The following OLFM2 variants were observed in gnomAD, a reference collection of about 807,000 sequenced individuals.
The protein encoded by OLFM2 is olfactomedin 2, also known as noelin-2.
A neutral mutation model predicts 43.9 loss-of-function variants in OLFM2; 20 were observed. That is an observed-to-expected ratio of 0.46 (90% CI 0.32 to 0.66). The LOEUF is 0.66. OLFM2 is among the 30% of genes least tolerant of loss of function. OLFM2 has a pLI of 0.04. For synonymous variants in OLFM2, 268 were observed against 278.6 expected, an observed-to-expected ratio of 0.96 and a Z score of 0.38; for missense variants, 416 against 643.6, an observed-to-expected ratio of 0.65 and a Z score of 3.83.
intron 1 of OLFM2, among the ~76,000 whole-genome samples, chr19:9,874,323 C>T (rs563116184): frequency 9.2e-6 from 1 of 108,818 alleles, no homozygotes; most frequent in Non-Finnish European, 1.8e-5. Context: ...GAATGCCCCA[C>T]TGGCCTTTTT....
At chr19:9,933,956 C>T (rs1364482823) in intron 1 of OLFM2, among the ~76,000 whole-genome samples, 1 of 152,186 alleles carries the variant, frequency 6.6e-6, no homozygotes, top group Admixed American at 6.6e-5. Context: ...GGTTATTCGG[C>T]TCTTTTCTGT....
intron 1 of OLFM2, among the ~76,000 whole-genome samples, chr19:9,925,376 G>T (rs991743474): frequency 6.6e-6 from 1 of 152,140 alleles, no homozygotes; most frequent in African/African-American, 2.4e-5. Context: ...CCCTTTGTGG[G>T]AATGTAAAAT....
chr19:9,860,331 A>C (rs1403474975), intron 2 of OLFM2, among the ~76,000 whole-genome samples: 1 of 151,620 alleles, frequency 6.6e-6, no homozygotes, highest in African/African-American at 2.4e-5. Context: ...TATAAAAATT[A>C]GGGCATGGTG....
chr19:9,860,670 C>T lies in OLFM2; in HGVS notation c.188G>A (p.Arg63Gln), dbSNP rs377196769. The change falls in exon 2 of 6, where the codon CGG becomes CAG. Residue 63 changes from arginine to glutamine, a missense_variant. Physicochemically the swap from Arg to Gln is conservative, Grantham distance 43 (BLOSUM62 1). Coordinates refer to ENST00000264833, the MANE Select transcript of OLFM2 (RefSeq NM_058164.4). ...QSTCSRDGRS[R>Q]ELRQLMEKVQ... ...CTTCTCCATCAGTTGCCGCAGCTCCCGACTCCTGCCATCTCGAGAGCAGGT... is the reference window on the plus strand; with the variant it reads ...CTTCTCCATCAGTTGCCGCAGCTCCTGACTCCTGCCATCTCGAGAGCAGGT... The T allele has an allele frequency of 2.9e-5, 47 of 1,593,540 alleles. No homozygotes were observed. The East Asian group carries it at 7.0e-4, about 24-fold the overall frequency.
chr19:9,934,737 T>A (rs1259322023), intron 1 of OLFM2, among the ~76,000 whole-genome samples: 1 of 152,052 alleles, frequency 6.6e-6, no homozygotes, highest in African/African-American at 2.4e-5. Flanking sequence ...ACACTCCCTA[T>A]CCCACCCAGC....
chr19:9,913,350 G>A, intron 1 of OLFM2: 1 of 415,916 alleles, frequency 2.4e-6, no homozygotes, highest in Middle Eastern at 1.0e-3. Context: ...CTACCCAGGC[G>A]TGCCGGGCAG....
intron 1 of OLFM2, among the ~76,000 whole-genome samples, chr19:9,871,906 C>G (rs1186426606): frequency 6.6e-6 from 1 of 152,210 alleles, no homozygotes; most frequent in East Asian, 1.9e-4. Flanking sequence ...AGAGCAAACA[C>G]CTTCACAGGT....
intron 1 of OLFM2, among the ~76,000 whole-genome samples, chr19:9,903,202 T>C (rs1181618332): frequency 6.6e-6 from 1 of 152,200 alleles, no homozygotes; most frequent in Non-Finnish European, 1.5e-5. Flanking sequence ...CCATTGCTTT[T>C]ATCCTGGATA....
At chr19:9,917,484 G>C (rs1447093344) in intron 1 of OLFM2, among the ~76,000 whole-genome samples, 2 of 152,196 alleles carry the variant, frequency 1.3e-5, no homozygotes, top group Admixed American at 1.3e-4. Flanking sequence ...AGGGAGATCG[G>C]AGATTGGAGA....
chr19:9,877,560 AAATAAAT>A (rs1274189107), intron 1 of OLFM2, among the ~76,000 whole-genome samples: 4 of 151,418 alleles, frequency 2.6e-5, no homozygotes, highest in South Asian at 2.1e-4. Flanking sequence ...ATAAATAAAT[AAATAAAT>A]AAATAAATAC....
intron 1 of OLFM2, among the ~76,000 whole-genome samples, chr19:9,928,828 G>A (rs2086467737): frequency 6.6e-6 from 1 of 151,630 alleles, no homozygotes; most frequent in Non-Finnish European, 1.5e-5. Context: ...GAGAGAAAGA[G>A]AATAAGCTTT....
chr19:9,869,531 G>T (rs1379309379), intron 1 of OLFM2, among the ~76,000 whole-genome samples: 1 of 152,188 alleles, frequency 6.6e-6, no homozygotes, highest in Non-Finnish European at 1.5e-5. Flanking sequence ...GTTGCTAGGA[G>T]GATCAAATGA....
At chr19:9,882,972 G>A (rs1222267223) in intron 1 of OLFM2, among the ~76,000 whole-genome samples, 2 of 151,896 alleles carry the variant, frequency 1.3e-5, no homozygotes, top group Admixed American at 1.3e-4. Context: ...GCCAAGGTGG[G>A]TGGATTACAT....
At chr19:9,858,041 G>T in intron 2 of OLFM2, 180 bp from the exon 3 acceptor site, 1 of 729,144 alleles carries the variant, frequency 1.4e-6, no homozygotes, top group Non-Finnish European at 2.4e-6. Context: ...TCCATCCATC[G>T]CTCCCTCCCT....
chr19:9,888,040 C>G (rs1271444948), intron 1 of OLFM2, among the ~76,000 whole-genome samples: 1 of 152,012 alleles, frequency 6.6e-6, no homozygotes, highest in Non-Finnish European at 1.5e-5. Flanking sequence ...CCTTCACAAT[C>G]TGTCCCATCA....
intron 1 of OLFM2, among the ~76,000 whole-genome samples, chr19:9,861,569 A>G (rs2046365604): frequency 6.6e-6 from 1 of 152,194 alleles, no homozygotes; most frequent in African/African-American, 2.4e-5. Context: ...TCCAGTGACC[A>G]ATTATGGCTT....
At chr19:9,867,349 C>T (rs1370658835) in intron 1 of OLFM2, among the ~76,000 whole-genome samples, 1 of 151,990 alleles carries the variant, frequency 6.6e-6, no homozygotes, top group East Asian at 1.9e-4. Context: ...CCAGCCTGGG[C>T]AATAGAGCGA....
chr19:9,899,477 C>G (rs2046712356), intron 1 of OLFM2, among the ~76,000 whole-genome samples: 1 of 152,078 alleles, frequency 6.6e-6, no homozygotes, highest in African/African-American at 2.4e-5. Context: ...TCAATCAGCT[C>G]CCCAAAGAGC....
At chr19:9,920,060 TC>T (rs2086410541) in intron 1 of OLFM2, among the ~76,000 whole-genome samples, 1 of 151,634 alleles carries the variant, frequency 6.6e-6, no homozygotes, top group African/African-American at 2.4e-5. Flanking sequence ...CACCTTGGCC[TC>T]CCAAAGTGCT....
Sources: allele counts gnomAD v4.1 joint callset (sites outside exome capture counted in the v4.1 genomes callset), GRCh38; gene constraint gnomAD v4.1.1; transcripts MANE v1.5; gene names NCBI Gene and HGNC (gene_info 2026-07-23, HGNC 2026-07-21).